Variants in PRR16 observed in about 807,000 individuals in gnomAD.
PRR16 encodes protein Largen.
In PRR16, 6 loss-of-function variants were observed where a neutral mutation model predicts 18.2. The ratio of observed to expected loss-of-function variants is 0.33; its 90% CI spans 0.18 to 0.65. The LOEUF is 0.65. Ranked by LOEUF, PRR16 falls within the 30% of genes least tolerant of loss-of-function variation. The probability of loss-of-function intolerance (pLI) is 0.74; values close to 1 mark genes in which losing one functional copy is unlikely to be tolerated. For missense variants in PRR16, 412 were observed against 376.6 expected (o/e 1.09, Z -0.78); for synonymous variants, 151 against 147.8 (o/e 1.02, Z -0.16).
chr5:120,600,533 TC>T (rs943775462), intron 1 of PRR16, among the ~76,000 whole-genome samples: 1 of 151,938 alleles, frequency 6.6e-6, no homozygotes, highest in African/African-American at 2.4e-5. Flanking sequence ...ATGATATAGT[TC>T]TTTTTTTCCC....
Position 120,501,000 on chromosome 5 carries a change from C to T in PRR16, c.159+36355C>T, listed in dbSNP as rs372678774. On this transcript the variant is annotated intron_variant, in intron 1 of 1. Transcript: ENST00000407149. ...AACTCAGAATACTTAAAAAAGGAAG[C>T]GACTATTAAATGAAATACAACAGAA... Among the ~76,000 whole-genome samples, 69 of 151,612 alleles carry T rather than the reference C, an allele frequency of 4.6e-4. No individual in the cohort carries two copies. In the South Asian group the frequency reaches 0.013, roughly 28 times the overall value.
At chr5:120,586,354 A>G (rs1753443042) in intron 1 of PRR16, among the ~76,000 whole-genome samples, 1 of 152,158 alleles carries the variant, frequency 6.6e-6, no homozygotes, top group African/African-American at 2.4e-5. Context: ...AACTGTAATA[A>G]TAAATTATCT....
At chr5:120,497,783 A>AT (rs1750307302) in intron 1 of PRR16, among the ~76,000 whole-genome samples, 1 of 151,596 alleles carries the variant, frequency 6.6e-6, no homozygotes, top group South Asian at 2.1e-4. Flanking sequence ...ATAACATATC[A>AT]TATTATTTAA....
the PRR16 span, among the ~76,000 whole-genome samples, chr5:120,717,189 G>C: frequency 6.6e-6 from 1 of 152,096 alleles, no homozygotes; most frequent in South Asian, 2.1e-4. Flanking sequence ...ATAGATTAAT[G>C]GATGAAAAAG....
At chr5:120,509,231 C>T (rs1018212431) in intron 1 of PRR16, among the ~76,000 whole-genome samples, 5 of 152,072 alleles carry the variant, frequency 3.3e-5, no homozygotes, top group African/African-American at 1.2e-4. Context: ...TTTATAAGCA[C>T]CACAGGCCCT....
At position 120,686,516 on chromosome 5, in the gene PRR16, C is replaced by A; in HGVS notation, c.722C>A (p.Pro241Gln). ...VHLHSEPVHP[P>Q]GKIPHQGPPL... is the part of the protein sequence containing the mutation. ...TTACACAGTGAACCTGTCCACCCAC[C>A]GGGAAAGATTCCTCACCAAGGCCCT... is the stretch of plus-strand genomic sequence containing the variant. The change falls in exon 2 of 2, where the codon CCG becomes CAG. Residue 241 changes from proline (P) to glutamine (Q), a missense_variant. By Grantham distance (76) the Pro-to-Gln change is moderately conservative. Coordinates refer to ENST00000407149, the MANE Select transcript of PRR16 (RefSeq NM_001300783.2). 6.2e-7 allele frequency: 1 copy of A among 1,613,878 alleles called. No homozygotes were observed. The highest frequency in any genetic ancestry group is 8.5e-7 in the Non-Finnish European group (1 of 1,179,884).
intron 1 of PRR16, among the ~76,000 whole-genome samples, chr5:120,684,064 A>G (rs2150155705): frequency 6.6e-6 from 1 of 152,286 alleles, no homozygotes; most frequent in South Asian, 2.1e-4. Flanking sequence ...TGGATTTAAG[A>G]TTCGTTATTT....
At chr5:120,653,783 T>C (rs568131998) in intron 1 of PRR16, among the ~76,000 whole-genome samples, 2 of 152,170 alleles carry the variant, frequency 1.3e-5, no homozygotes, top group African/African-American at 4.8e-5. Flanking sequence ...TCTTGTGCCA[T>C]ACACCTCATG....
At chr5:120,791,516 A>G in the PRR16 span, among the ~76,000 whole-genome samples, 2 of 133,670 alleles carry the variant, frequency 1.5e-5, no homozygotes, top group African/African-American at 5.6e-5. Flanking sequence ...TAATTAGATT[A>G]AAAAAAAAGG....
intron 1 of PRR16, among the ~76,000 whole-genome samples, chr5:120,540,717 G>A (rs1418867205): frequency 6.6e-6 from 1 of 152,060 alleles, no homozygotes; most frequent in Admixed American, 6.6e-5. Context: ...TACTGCTCAA[G>A]GTCATCACCA....
At chr5:120,782,765 C>T in the PRR16 span, among the ~76,000 whole-genome samples, 2 of 151,916 alleles carry the variant, frequency 1.3e-5, no homozygotes, top group Non-Finnish European at 2.9e-5. Context: ...TTCTTTGGGC[C>T]CTGCAAATTT....
intron 1 of PRR16, among the ~76,000 whole-genome samples, chr5:120,648,755 T>C (rs1325697413): frequency 6.6e-6 from 1 of 152,084 alleles, no homozygotes; most frequent in Non-Finnish European, 1.5e-5. Context: ...TACAACCGGC[T>C]TTTTGAGGTG....
At chr5:120,754,700 T>C in the PRR16 span, among the ~76,000 whole-genome samples, 66 of 142,854 alleles carry the variant, frequency 4.6e-4, 1 homozygote, top group African/African-American at 1.5e-3. Flanking sequence ...CTTCCTGATA[T>C]AACTAAAACA....
chr5:120,569,181 C>T (rs1195011337), intron 1 of PRR16, among the ~76,000 whole-genome samples: 1 of 152,074 alleles, frequency 6.6e-6, no homozygotes, highest in Non-Finnish European at 1.5e-5. Flanking sequence ...ATACTCATGA[C>T]AGACTTTTAA....
At chr5:120,689,494 A>G (rs1053281176), downstream of PRR16, among the ~76,000 whole-genome samples, 1 of 152,154 alleles carries the variant, frequency 6.6e-6, no homozygotes, top group African/African-American at 2.4e-5. Flanking sequence ...TCCTCTTCCT[A>G]AAGACCATAA....
chr5:120,779,742 G>A, the PRR16 span, among the ~76,000 whole-genome samples: 98 of 152,232 alleles, frequency 6.4e-4, no homozygotes, highest in East Asian at 0.016. Context: ...CTTAATAACA[G>A]CAAAGGAAAA....
intron 1 of PRR16, among the ~76,000 whole-genome samples, chr5:120,588,760 T>C (rs1160742085): frequency 6.6e-6 from 1 of 152,136 alleles, no homozygotes; most frequent in African/African-American, 2.4e-5. Flanking sequence ...TGACCTTAAG[T>C]AATTCATCAT....
rs147045329 is a variant in PRR16 at position 120,537,596 on chromosome 5, A to G, written c.159+72951A>G. ...CCCACACCAATTGCTATTAAGCTAA[A>G]TGAGCTGTATTTGGCCAAGCAAGAT... On this transcript the variant is annotated intron_variant, in intron 1 of 1. Transcript: ENST00000407149. 3.7e-3 allele frequency among the ~76,000 whole-genome samples: 494 copies of G among 132,688 alleles called. 2 individuals are homozygous for G. Among genetic ancestry groups the G allele is most frequent in the African/African-American group, 0.013 (472 of 35,710 alleles). The allele number at this position is 132,688 out of a possible 152,430, so 87.0% of individuals were successfully genotyped here. A position where few individuals can be genotyped will look rare whatever the true frequency, so the allele number is the denominator to read the frequency against.
At chr5:120,503,327 T>A (rs1750529302) in intron 1 of PRR16, among the ~76,000 whole-genome samples, 1 of 152,180 alleles carries the variant, frequency 6.6e-6, no homozygotes, top group African/African-American at 2.4e-5. Flanking sequence ...ATAATATTAT[T>A]TCATTCATTT....
Sources: gnomAD v4.1 joint callset for allele counts (sites outside exome capture counted in the v4.1 genomes callset) on GRCh38, gnomAD v4.1.1 for gene constraint, MANE v1.5 for transcripts, NCBI Gene and HGNC (gene_info 2026-07-23, HGNC 2026-07-21) for gene names.